ZNF577: variants seen among roughly 807,000 people sequenced by gnomAD.
ZNF577 encodes the protein zinc finger protein 577.
Under a neutral mutation model 13.9 loss-of-function variants are expected in ZNF577, and 14 were observed. That is an observed-to-expected ratio of 1.00 (90% confidence interval 0.66 to 1.57). The LOEUF (loss-of-function observed/expected upper bound fraction) is 1.57, where lower values mean the gene tolerates loss of function less well. Among genes scored for constraint, ZNF577 ranks in the 40% most tolerant of loss-of-function variants. ZNF577 has a pLI of 0.00. For missense variants in ZNF577, 555 were observed against 579.2 expected, an observed-to-expected ratio of 0.96 and a Z score of 0.43; for synonymous variants, 203 against 202.9, an observed-to-expected ratio of 1.00 and a Z score of 0.00.
chr19:51,881,236 G>T (rs1051540599), intron 1 of ZNF577, among the ~76,000 whole-genome samples: 1 of 152,290 alleles, frequency 6.6e-6, no homozygotes, highest in Non-Finnish European at 1.5e-5. Flanking sequence ...TCCAGCTATT[G>T]TAGAGGCTGA....
downstream of ZNF577, among the ~76,000 whole-genome samples, chr19:51,863,612 G>A (rs8102385): frequency 0.011 from 1,612 of 152,250 alleles, 26 homozygotes; most frequent in African/African-American, 0.034. Context: ...ATCATATTTT[G>A]GGGAAATTTG....
At chr19:51,848,982 CA>C (rs2084367613) in intron 5 of ZNF577, among the ~76,000 whole-genome samples, 1 of 152,168 alleles carries the variant, frequency 6.6e-6, no homozygotes, top group African/African-American at 2.4e-5. Flanking sequence ...AGTTCTAAAC[CA>C]TTTTTTTGTT....
intron 5 of ZNF577, among the ~76,000 whole-genome samples, chr19:51,852,162 GTCTA>G (rs2084382009): frequency 4.6e-5 from 7 of 152,314 alleles, no homozygotes; most frequent in Admixed American, 2.6e-4. Context: ...AGATTCTGAT[GTCTA>G]AAGCCTTTAG....
intron 4 of ZNF577, chr19:51,878,034 T>C (rs2084794436): frequency 6.0e-6 from 1 of 166,732 alleles, no homozygotes; most frequent in South Asian, 1.6e-4. Flanking sequence ...ATAATTCCAC[T>C]TATACGAGGT....
chr19:51,863,620 T>C (rs1218270710), downstream of ZNF577, among the ~76,000 whole-genome samples: 2 of 152,176 alleles, frequency 1.3e-5, no homozygotes, highest in Non-Finnish European at 2.9e-5. Context: ...TTGGGGAAAT[T>C]TGCAAAAAGA....
chr19:51,877,950 A>G (rs2084792903), intron 4 of ZNF577: 1 of 156,442 alleles, frequency 6.4e-6, no homozygotes, highest in South Asian at 1.9e-4. Flanking sequence ...ACTCTGGCAC[A>G]TGCTACAACA....
In ZNF577 at chr19:51,832,810, T is replaced by C. The variant is rs183579615; in HGVS notation, c.*599+7083A>G. Among the ~76,000 whole-genome samples, 967 of 128,848 alleles carry C rather than the reference T, an allele frequency of 7.5e-3. 14 individuals carry two copies. Among genetic ancestry groups the C allele is most frequent in the African/African-American group, 0.025 (888 of 34,914 alleles). The allele number at this position is 128,848 out of a possible 152,430, so 84.5% of individuals were successfully genotyped here. A position where few individuals can be genotyped will look rare whatever the true frequency, so the allele number is the denominator to read the frequency against. On this transcript the variant is annotated intron_variant and NMD_transcript_variant, in intron 9 of 10. Coordinates refer to the ZNF577 transcript ENST00000638827. Reference sequence around the variant, plus strand: ...TGTTGAAAATAATATTCTTTCTTCATTGAATTTTTTACGTATGTCAAAAGT... The same window carrying C: ...TGTTGAAAATAATATTCTTTCTTCACTGAATTTTTTACGTATGTCAAAAGT...
chr19:51,863,463 G>C (rs2084526152), downstream of ZNF577, among the ~76,000 whole-genome samples: 1 of 152,122 alleles, frequency 6.6e-6, no homozygotes, highest in Non-Finnish European at 1.5e-5. Flanking sequence ...TTCTGATTTT[G>C]ATCACAGTAT....
At chr19:51,834,040 T>C (rs1329553252) in intron 9 of ZNF577, among the ~76,000 whole-genome samples, 2 of 146,444 alleles carry the variant, frequency 1.4e-5, no homozygotes, top group Non-Finnish European at 3.0e-5. Context: ...TCCTCTAGCT[T>C]TTCAAAAACA....
chr19:51,864,235 T>C (rs556430580), downstream of ZNF577, among the ~76,000 whole-genome samples: 1 of 152,206 alleles, frequency 6.6e-6, no homozygotes, highest in African/African-American at 2.4e-5. Flanking sequence ...ATCCTCCAAC[T>C]AAGATTTACC....
chr19:51,825,892 T>C (rs1480666502), intron 9 of ZNF577: 2 of 167,100 alleles, frequency 1.2e-5, no homozygotes, highest in African/African-American at 2.4e-5. Flanking sequence ...TTAGATGAGA[T>C]AGTGTTTTTT....
chr19:51,872,591 TCACTTC>T lies in ZNF577; in HGVS notation c.1393_1398del (p.Glu465_Val466del). The T allele has an allele frequency of 6.2e-7, 1 of 1,613,478 alleles. No individual in the cohort carries two copies. Among genetic ancestry groups the T allele is most frequent in the Non-Finnish European group, 8.5e-7 (1 of 1,179,752 alleles). On this transcript the variant is annotated inframe_deletion, in exon 6 of 6. Coordinates refer to ENST00000638348, the MANE Select transcript of ZNF577 (RefSeq NM_001370449.1). ...TAATTTATTACTGATGGGGCCACAT[TCACTTC>T]ATTTGTGAGGCTTATTCTCTGTTCA...
rs79957479 is a variant in ZNF577, at chr19:51,823,587, C to G, written c.*600-11913G>C. On this transcript the variant is annotated intron_variant and NMD_transcript_variant, in intron 9 of 10. Coordinates refer to the ZNF577 transcript ENST00000638827. ...AGAACTATCGTTTCCCAAAGGAACTCCGAGAGAGTGCCAATTTTATGTTAT... is the reference window on the plus strand; with the variant it reads ...AGAACTATCGTTTCCCAAAGGAACTGCGAGAGAGTGCCAATTTTATGTTAT... Among the ~76,000 whole-genome samples the G allele has an allele frequency of 5.9e-4, 90 of 152,212 alleles. 3 individuals are homozygous for G. In the East Asian group the frequency reaches 0.011, roughly 19 times the overall value.
chr19:51,822,025 A>T (rs2084193680), intron 9 of ZNF577, among the ~76,000 whole-genome samples: 1 of 152,210 alleles, frequency 6.6e-6, no homozygotes. Context: ...CATTTTAACA[A>T]ATACCTTGGA....
intron 5 of ZNF577, among the ~76,000 whole-genome samples, chr19:51,857,074 G>A (rs1955430310): frequency 6.6e-6 from 1 of 152,066 alleles, no homozygotes; most frequent in African/African-American, 2.4e-5. Flanking sequence ...GCCGAGGCAG[G>A]CGGAACATGA....
chr19:51,818,902 T>G (rs2084166290), intron 9 of ZNF577, among the ~76,000 whole-genome samples: 2 of 152,276 alleles, frequency 1.3e-5, no homozygotes, highest in South Asian at 4.1e-4. Context: ...TGAAATATAA[T>G]TTGTCTGTGT....
At chr19:51,807,202 G>A (rs2084065276) in intron 10 of ZNF577, among the ~76,000 whole-genome samples, 1 of 137,862 alleles carries the variant, frequency 7.3e-6, no homozygotes, top group Non-Finnish European at 1.5e-5. Flanking sequence ...TCAGGCAAAA[G>A]AGATAGCAGG....
chr19:51,874,088 C>G (rs2084714585), intron 5 of ZNF577, among the ~76,000 whole-genome samples: 1 of 152,202 alleles, frequency 6.6e-6, no homozygotes, highest in African/African-American at 2.4e-5. Flanking sequence ...AATGGATACT[C>G]TATAATGAAT....
rs2122740258 is a variant in ZNF577, at chr19:51,886,986, T to C, written c.-384A>G. 6.6e-6 allele frequency: 1 copy of C among 152,260 alleles called. No homozygotes were observed. Among genetic ancestry groups the C allele is most frequent in the South Asian group, 2.1e-4 (1 of 4,824 alleles). 9.4% of individuals were successfully genotyped at this position (152,260 alleles called of 1,614,324 possible). The stretch of plus-strand genomic sequence containing the variant: ...AATGAAGTGACAGAATAAACATATA[T>C]ATTTTTAACTTCTGTTCTTGTCAAC... On this transcript the variant is annotated 5_prime_UTR_variant, in exon 1 of 6. In the 5' UTR this introduces an upstream ATG that the reference lacks. Coordinates refer to ENST00000638348, the MANE Select transcript of ZNF577 (RefSeq NM_001370449.1).
Sources: allele counts gnomAD v4.1 joint callset (sites outside exome capture counted in the v4.1 genomes callset), GRCh38; gene constraint gnomAD v4.1.1; transcripts MANE v1.5; gene names NCBI Gene and HGNC (gene_info 2026-07-23, HGNC 2026-07-21).